ANTXR1: variants seen among roughly 807,000 people sequenced by gnomAD.
ANTXR1 encodes the protein ANTXR cell adhesion molecule 1.
Under a neutral mutation model 78.1 loss-of-function variants are expected in ANTXR1, and 19 were observed. The observed-to-expected ratio is 0.24, with a 90% CI of 0.17 to 0.36. The LOEUF is 0.36. ANTXR1 is among the 10% of genes least tolerant of loss of function. ANTXR1 has a pLI of 1.00. For missense variants in ANTXR1, 518 were observed against 718.6 expected (o/e 0.72, Z 3.19); for synonymous variants, 273 against 260.5 (o/e 1.05, Z -0.46).
At chr2:69,220,574 CTATGAT>C (rs1382219743) in intron 17 of ANTXR1, among the ~76,000 whole-genome samples, 2 of 152,146 alleles carry the variant, frequency 1.3e-5, no homozygotes, top group African/African-American at 4.8e-5. Flanking sequence ...TCTTTATACT[CTATGAT>C]TATGAATTAT....
At chr2:69,242,848 A>AT (rs1403879441) in intron 17 of ANTXR1, among the ~76,000 whole-genome samples, 20 of 152,374 alleles carry the variant, frequency 1.3e-4, no homozygotes, top group African/African-American at 4.8e-4. Flanking sequence ...CAAGGCTTAG[A>AT]TTTATAAAGC....
chr2:69,166,548 T>A (rs1429742607), intron 13 of ANTXR1, among the ~76,000 whole-genome samples: 1 of 152,194 alleles, frequency 6.6e-6, no homozygotes, highest in Non-Finnish European at 1.5e-5. Context: ...TGGTAGTAAG[T>A]GGGGAAGTGG....
At chr2:69,231,398 G>A (rs2104521522) in intron 17 of ANTXR1, among the ~76,000 whole-genome samples, 1 of 152,060 alleles carries the variant, frequency 6.6e-6, no homozygotes, top group East Asian at 1.9e-4. Context: ...ATCCTTCGCA[G>A]CAACTTTAGG....
At chr2:69,211,876 T>C (rs1254293083) in intron 17 of ANTXR1, among the ~76,000 whole-genome samples, 1 of 152,170 alleles carries the variant, frequency 6.6e-6, no homozygotes, top group Non-Finnish European at 1.5e-5. Flanking sequence ...ACTCACCATA[T>C]GTATTCCCAC....
At chr2:69,234,319 G>A (rs1216954184) in intron 17 of ANTXR1, among the ~76,000 whole-genome samples, 2 of 152,198 alleles carry the variant, frequency 1.3e-5, no homozygotes, top group African/African-American at 2.4e-5. Context: ...TAGTTGGAAG[G>A]TGGTAGATTA....
intron 17 of ANTXR1, among the ~76,000 whole-genome samples, chr2:69,243,423 T>C (rs866423735): frequency 6.6e-6 from 1 of 152,042 alleles, no homozygotes; most frequent in Non-Finnish European, 1.5e-5. Flanking sequence ...AGGCTGTAAC[T>C]AGAGAACTCA....
chr2:69,050,792 T>A (rs926408769), intron 3 of ANTXR1, among the ~76,000 whole-genome samples: 3 of 152,212 alleles, frequency 2.0e-5, no homozygotes, highest in Non-Finnish European at 4.4e-5. Context: ...TTTGGTTATA[T>A]CCCTTTCCTC....
chr2:69,220,900 A>G (rs1266503898), intron 17 of ANTXR1, among the ~76,000 whole-genome samples: 1 of 152,192 alleles, frequency 6.6e-6, no homozygotes, highest in Admixed American at 6.5e-5. Flanking sequence ...TATTACCTCA[A>G]ATAGAAAGGG....
intron 3 of ANTXR1, 128 bp downstream of exon 3, chr2:69,044,941 G>A: frequency 1.1e-6 from 1 of 929,500 alleles, no homozygotes; most frequent in Non-Finnish European, 1.7e-6. Flanking sequence ...TTTACCCTAA[G>A]TTTTTAACCT....
intron 16 of ANTXR1, among the ~76,000 whole-genome samples, chr2:69,192,728 G>A (rs184358891): frequency 2.2e-4 from 34 of 152,272 alleles, no homozygotes; most frequent in African/African-American, 6.7e-4. Context: ...ACTCTTCTCC[G>A]TTTCAGCCAA....
At position 69,077,412 on chromosome 2, in the gene ANTXR1, C is replaced by A. The variant is rs1332342261; in HGVS notation, c.566C>A (p.Ala189Asp). ...GTGTATTTGCTGTGTTCTCAGCTGG[C>A]CCGGATTGCGGACAGTAAGGATCAT... ...GVKDFNETQL[A>D]RIADSKDHVF... Residue 189 changes from alanine (A) to aspartate (D), a missense_variant, in exon 8 of 18, where the codon GCC becomes GAC. By Grantham distance (126) the Ala-to-Asp change is moderately radical (BLOSUM62 -2). This residue lies in a region of ANTXR1 where 264 missense variants were observed against 391.8 expected (regional missense o/e 0.67). Coordinates refer to ENST00000303714, the MANE Select transcript of ANTXR1 (RefSeq NM_032208.3). 2 of 1,614,122 alleles carry A rather than the reference C, an allele frequency of 1.2e-6. No homozygotes were observed. The highest frequency in any genetic ancestry group is 2.2e-5 in the South Asian group (2 of 91,078).
At chr2:69,038,139 T>A (rs556633696) in intron 1 of ANTXR1, among the ~76,000 whole-genome samples, 44 of 152,188 alleles carry the variant, frequency 2.9e-4, no homozygotes, top group Non-Finnish European at 3.8e-4. Context: ...TTTTTCCAAA[T>A]GCACAGTCCT....
intron 17 of ANTXR1, among the ~76,000 whole-genome samples, chr2:69,231,952 A>G (rs1675607987): frequency 6.6e-6 from 1 of 152,120 alleles, no homozygotes; most frequent in Non-Finnish European, 1.5e-5. Context: ...CTACAGGGGG[A>G]AAAGATGGCA....
chr2:69,166,560 A>G (rs1673832880), intron 13 of ANTXR1, among the ~76,000 whole-genome samples: 1 of 152,208 alleles, frequency 6.6e-6, no homozygotes, highest in Non-Finnish European at 1.5e-5. Flanking sequence ...GGGAAGTGGT[A>G]CTAGCCTGCA....
chr2:69,186,150 A>G (rs1281057782), intron 16 of ANTXR1, among the ~76,000 whole-genome samples: 2 of 152,188 alleles, frequency 1.3e-5, no homozygotes, highest in African/African-American at 4.8e-5. Context: ...CTGCCAGTCA[A>G]ACCACACAGA....
At chr2:69,198,041 T>G (rs1044069445) in intron 17 of ANTXR1, among the ~76,000 whole-genome samples, 3 of 152,230 alleles carry the variant, frequency 2.0e-5, no homozygotes, top group Non-Finnish European at 4.4e-5. Context: ...AGATTGATTT[T>G]CAAGTATCTA....
At chr2:69,045,660 C>G (rs145722125) in intron 3 of ANTXR1, among the ~76,000 whole-genome samples, 4 of 152,132 alleles carry the variant, frequency 2.6e-5, no homozygotes, top group African/African-American at 9.7e-5. Context: ...ATAGGACTAA[C>G]AGGACAGAGT....
chr2:69,155,098 T>C (rs1333840581), intron 13 of ANTXR1, among the ~76,000 whole-genome samples: 1 of 152,204 alleles, frequency 6.6e-6, no homozygotes, highest in African/African-American at 2.4e-5. Context: ...CCCACTGCAC[T>C]TGGCCTTTCC....
intron 8 of ANTXR1, among the ~76,000 whole-genome samples, chr2:69,082,706 G>T (rs1305572160): frequency 2.0e-5 from 3 of 151,942 alleles, no homozygotes; most frequent in East Asian, 3.9e-4. Context: ...CCTCCTCCCA[G>T]CTATCCCCAC....
Sources: gnomAD v4.1 joint callset for allele counts (sites outside exome capture counted in the v4.1 genomes callset) on GRCh38, gnomAD v4.1.1 for gene constraint, gnomAD v4.1.1 regional missense constraint, MANE v1.5 for transcripts, NCBI Gene and HGNC (gene_info 2026-07-23, HGNC 2026-07-21) for gene names.